Variants in CYP2C8 observed in about 807,000 individuals in gnomAD.
CYP2C8 encodes cytochrome P450 family 2 subfamily C member 8.
A neutral mutation model predicts 41.3 loss-of-function variants in CYP2C8; 51 were observed. That is an observed-to-expected ratio of 1.24 (90% CI 0.99 to 1.56). CYP2C8 has a LOEUF of 1.56. Among genes scored for constraint, CYP2C8 ranks in the 40% most tolerant of loss-of-function variants. The pLI, the probability that CYP2C8 is intolerant of heterozygous loss-of-function variation, is 0.00. For synonymous variants in CYP2C8, 218 were observed against 205.8 expected, an observed-to-expected ratio of 1.06 and a Z score of -0.51; for missense variants, 651 against 579.9, an observed-to-expected ratio of 1.12 and a Z score of -1.26.
At chr10:95,067,779 T>A in intron 1 of CYP2C8, 88 bp from the exon 2 acceptor site, 1 of 1,337,124 alleles carries the variant, frequency 7.5e-7, no homozygotes, top group Non-Finnish European at 1.1e-6. Context: ...TTCATTGTAT[T>A]TTTTAATGTT....
At position 95,067,472 on chromosome 10, in the gene CYP2C8, G is replaced by C. The variant is rs1342322544; in HGVS notation, c.331+57C>G. 6 of 1,613,256 alleles carry C rather than the reference G, an allele frequency of 3.7e-6. No individual in the cohort carries two copies. In the South Asian group the frequency reaches 5.5e-5, roughly 15 times the overall value. On this transcript the variant is annotated intron_variant, in intron 2 of 8. Transcript: ENST00000371270. ...CTGCTGAGAAGCTTTTTAGGGCTCT[G>C]TTTTCCATCCCCCTCACCCCAGTTA...
At chr10:95,065,992 G>A (rs1344454616) in intron 3 of CYP2C8, among the ~76,000 whole-genome samples, 1 of 152,082 alleles carries the variant, frequency 6.6e-6, no homozygotes, top group African/African-American at 2.4e-5. Flanking sequence ...TTGGAACATT[G>A]AACAACAAGA....
intron 5 of CYP2C8, 40 bp from the exon 6 acceptor site, chr10:95,045,991 C>G (rs1233250879): frequency 2.5e-6 from 4 of 1,608,374 alleles, no homozygotes; most frequent in East Asian, 4.5e-5. Flanking sequence ...AAATTATGTG[C>G]CAGTATATCT....
chr10:95,040,912 C>T (rs546072028), intron 7 of CYP2C8: 55 of 456,174 alleles, frequency 1.2e-4, no homozygotes, highest in African/African-American at 1.0e-3. Context: ...CATTAGGGAA[C>T]GTTTCTCACC....
chr10:95,040,691 T>C (rs140503721), intron 7 of CYP2C8, among the ~76,000 whole-genome samples: 1 of 152,306 alleles, frequency 6.6e-6, no homozygotes, highest in Non-Finnish European at 1.5e-5. Flanking sequence ...CATATTCAAT[T>C]CTGAATCAGG....
Position 95,052,955 on chromosome 10 carries a change from G to C in CYP2C8, c.819+5380C>G, listed in dbSNP as rs565872186. Among the ~76,000 whole-genome samples the C allele has an allele frequency of 3.3e-5, 5 of 152,032 alleles. No homozygotes were observed. In the East Asian group the frequency reaches 9.7e-4, roughly 29 times the overall value. ...GGAATACCTAGCTAGAGCAATCAGA[G>C]AAAGATACAAAGGGGATCCCAATTA... On this transcript the variant is annotated intron_variant, in intron 5 of 8. Transcript: ENST00000371270.
At chr10:95,056,932 T>C (rs1329485641) in intron 5 of CYP2C8, among the ~76,000 whole-genome samples, 1 of 152,132 alleles carries the variant, frequency 6.6e-6, no homozygotes, top group Non-Finnish European at 1.5e-5. Flanking sequence ...ACAGCTTTGT[T>C]GAACAGGCAG....
chr10:95,048,294 T>A (rs914150161), intron 5 of CYP2C8, among the ~76,000 whole-genome samples: 1 of 152,212 alleles, frequency 6.6e-6, no homozygotes, highest in Admixed American at 6.5e-5. Flanking sequence ...AAATCTCTGA[T>A]GCCTCAGGCT....
intron 5 of CYP2C8, among the ~76,000 whole-genome samples, chr10:95,050,256 T>C (rs2033189954): frequency 6.6e-6 from 1 of 152,060 alleles, no homozygotes; most frequent in Non-Finnish European, 1.5e-5. Flanking sequence ...TGCAGTACAA[T>C]AGAACACCAA....
rs2033099071 is a variant in CYP2C8 at position 95,045,931 on chromosome 10, T to C, written c.840A>G (p.Ser280=). The stretch of plus-strand genomic sequence containing the variant: ...CAACCAAGTTTTCAATATTGAATTC[T>C]GACTTTTGGTTGTCCTTTTCCTAGA... ...KMEQEKDNQK[S]EFNIENLVGT... Residue 280 remains serine (S), a synonymous_variant, in exon 6 of 9, where the codon TCA becomes TCG. Transcript: ENST00000371270. 6.2e-7 allele frequency: 1 copy of C among 1,614,006 alleles called. No individual in the cohort carries two copies. Among genetic ancestry groups the C allele is most frequent in the Non-Finnish European group, 8.5e-7 (1 of 1,179,872 alleles).
In CYP2C8 at chr10:95,067,306, A is replaced by T. The variant is rs1448538477; in HGVS notation, c.383T>A (p.Leu128His). 2 of 1,614,162 alleles carry T rather than the reference A, an allele frequency of 1.2e-6. No individual in the cohort carries two copies. Among genetic ancestry groups the T allele is most frequent in the Admixed American group, 1.7e-5 (1 of 60,008 alleles). Residue 128 changes from leucine (L) to histidine (H), a missense_variant, in exon 3 of 9, where the codon CTC becomes CAC. Leu to His is a moderately conservative substitution (Grantham distance 99). Transcript: ENST00000371270. ...CATCCCAAAATTCCGCAAGGTTGTG[A>T]GGGAGAAACGCCGGATCTCCTTCCA... The part of the protein sequence containing the change: ...KRWKEIRRFS[L>H]TTLRNFGMGK...
intron 5 of CYP2C8, among the ~76,000 whole-genome samples, chr10:95,057,062 C>G (rs575905458): frequency 1.3e-5 from 2 of 152,148 alleles, no homozygotes; most frequent in South Asian, 2.1e-4. Context: ...TATTAAGGGA[C>G]AGTTTGTGCA....
chr10:95,043,475 T>C (rs2033049217), intron 6 of CYP2C8, among the ~76,000 whole-genome samples: 1 of 152,214 alleles, frequency 6.6e-6, no homozygotes, highest in African/African-American at 2.4e-5. Context: ...TATTTGTGTG[T>C]GCGGTGGTGG....
intron 7 of CYP2C8, among the ~76,000 whole-genome samples, chr10:95,041,471 A>G (rs1452428701): frequency 6.6e-6 from 1 of 152,194 alleles, no homozygotes; most frequent in Non-Finnish European, 1.5e-5. Flanking sequence ...GCCAGAAGGA[A>G]GTTACTGGCT....
Position 95,068,458 on chromosome 10 carries a change from G to C in CYP2C8, c.169-767C>G, listed in dbSNP as rs975654228. 5 of 533,724 alleles carry C rather than the reference G, an allele frequency of 9.4e-6. No homozygotes were observed. The African/African-American group carries it at 9.8e-5, about 10-fold the overall frequency. The allele number at this position is 533,724 out of a possible 1,614,324, so 33.1% of individuals were successfully genotyped here. ...TCTTTCATGCACTTATGTTTGCCCT[G>C]AACCCACAGATATTTATTTCACATC... On this transcript the variant is annotated intron_variant, in intron 1 of 8. Transcript: ENST00000371270.
In CYP2C8 at chr10:95,036,869, T is replaced by C. The variant is rs1159803530; in HGVS notation, c.*259A>G. On this transcript the variant is annotated 3_prime_UTR_variant, in exon 9 of 9. Transcript: ENST00000371270. The stretch of plus-strand genomic sequence containing the variant: ...ATCACTTTTCTGTGTTTTACAGTGA[T>C]AACATATTAAAAAGTCAGCATTAGA... 2.0e-6 allele frequency: 1 copy of C among 493,918 alleles called. No individual in the cohort carries two copies. Among genetic ancestry groups the C allele is most frequent in the Non-Finnish European group, 3.7e-6 (1 of 271,912 alleles). The allele number at this position is 493,918 out of a possible 1,614,324, so 30.6% of individuals were successfully genotyped here. A position where few individuals can be genotyped will look rare whatever the true frequency, so the allele number is the denominator to read the frequency against.
At chr10:95,053,769 G>T (rs1041114806) in intron 5 of CYP2C8, among the ~76,000 whole-genome samples, 1 of 151,954 alleles carries the variant, frequency 6.6e-6, no homozygotes, top group East Asian at 1.9e-4. Flanking sequence ...CTGTTGGGGG[G>T]TGGGGAGCAA....
chr10:95,053,741 A>G (rs1316173622), intron 5 of CYP2C8, among the ~76,000 whole-genome samples: 1 of 152,144 alleles, frequency 6.6e-6, no homozygotes, highest in Non-Finnish European at 1.5e-5. Context: ...CAGGGAGGGA[A>G]ACATGACACA....
In CYP2C8 at chr10:95,053,015, G is replaced by C. The variant is rs554626722; in HGVS notation, c.819+5320C>G. 2.1e-5 allele frequency among the ~76,000 whole-genome samples: 3 copies of C among 144,370 alleles called. No homozygotes were observed. In the South Asian group the frequency reaches 6.8e-4, roughly 33 times the overall value. 94.7% of individuals were successfully genotyped at this position (144,370 alleles called of 152,430 possible). On this transcript the variant is annotated intron_variant, in intron 5 of 8. Coordinates refer to ENST00000371270, the MANE Select transcript of CYP2C8 (RefSeq NM_000770.3). Reference sequence around the variant, plus strand: ...AAGTCAAATTATACTCATTTGCAGAGAATATAATCTTATATTTAAAAAAAC... The same window carrying C: ...AAGTCAAATTATACTCATTTGCAGACAATATAATCTTATATTTAAAAAAAC...
Sources: allele counts gnomAD v4.1 joint callset (sites outside exome capture counted in the v4.1 genomes callset), GRCh38; gene constraint gnomAD v4.1.1; transcripts MANE v1.5; gene names NCBI Gene and HGNC (gene_info 2026-07-23, HGNC 2026-07-21).